Variants in PARPBP observed in about 807,000 individuals in gnomAD.
PARPBP encodes the protein PARP1 binding protein.
PARPBP carries 52 observed loss-of-function variants against 50.0 expected under a neutral mutation model. The ratio of observed to expected loss-of-function variants is 1.04; its 90% CI spans 0.83 to 1.31. The LOEUF (loss-of-function observed/expected upper bound fraction) is 1.31, where lower values mean the gene tolerates loss of function less well. PARPBP is among the 50% of genes most tolerant of loss of function. The probability of loss-of-function intolerance (pLI) is 0.00; values close to 1 mark genes in which losing one functional copy is unlikely to be tolerated. For missense variants in PARPBP, 697 were observed against 672.0 expected, an observed-to-expected ratio of 1.04 and a Z score of -0.41; for synonymous variants, 244 against 232.1, an observed-to-expected ratio of 1.05 and a Z score of -0.47.
intron 3 of PARPBP, among the ~76,000 whole-genome samples, chr12:102,150,957 C>T (rs1326580240): frequency 6.6e-6 from 1 of 152,182 alleles, no homozygotes; most frequent in African/African-American, 2.4e-5. Flanking sequence ...TTGTCCACTG[C>T]TGCTCTGTAA....
chr12:102,196,879 G>T lies in PARPBP; in HGVS notation c.*588G>T. 1.7e-6 allele frequency: 2 copies of T among 1,168,890 alleles called. No individual in the cohort carries two copies. Among genetic ancestry groups the T allele is most frequent in the Non-Finnish European group, 2.5e-6 (2 of 803,718 alleles). The allele number at this position is 1,168,890 out of a possible 1,614,324, so 72.4% of individuals were successfully genotyped here. A position where few individuals can be genotyped will look rare whatever the true frequency, so the allele number is the denominator to read the frequency against. The stretch of plus-strand genomic sequence containing the variant: ...GTGTAATTGAGCCATGGTCTTATTT[G>T]ATTTTGTTATGATTGCATCCAAATT... On this transcript the variant is annotated 3_prime_UTR_variant, in exon 11 of 11. Transcript: ENST00000327680.
At chr12:102,151,583 A>G in intron 3 of PARPBP, 7 of 1,535,518 alleles carry the variant, frequency 4.6e-6, no homozygotes, top group Non-Finnish European at 4.4e-6. Context: ...TCAACTATAC[A>G]GCCACCTTCA....
chr12:102,165,784 C>T lies in PARPBP; in HGVS notation c.722C>T (p.Pro241Leu), dbSNP rs753932798. The change falls in exon 6 of 11, where the codon CCA (proline) becomes CTA (leucine). Residue 241 changes from proline to leucine, a missense_variant. Transcript: ENST00000327680. Reference sequence around the variant, plus strand: ...CTTGGAGGGAAAGGATATGCACCACCACCATCAGATCCTTTAAGGACACAT... The same window carrying T: ...CTTGGAGGGAAAGGATATGCACCACTACCATCAGATCCTTTAAGGACACAT... ...IELGGKGYAPPPSDPLRTHVK... is the reference protein window; with the variant it reads ...IELGGKGYAPLPSDPLRTHVK... The T allele has an allele frequency of 5.6e-6, 9 of 1,603,476 alleles. No individual in the cohort carries two copies. In the African/African-American group the frequency reaches 9.4e-5, roughly 17 times the overall value.
chr12:102,180,302 G>A (rs1509673), intron 8 of PARPBP, among the ~76,000 whole-genome samples: 39,405 of 152,048 alleles, frequency 0.26, 5,259 homozygotes, highest in East Asian at 0.42. Context: ...GGGTAGAAAT[G>A]TAAATAATTT....
At chr12:102,131,016 C>A (rs1015212966) in intron 2 of PARPBP, among the ~76,000 whole-genome samples, 1 of 152,084 alleles carries the variant, frequency 6.6e-6, no homozygotes, top group Admixed American at 6.5e-5. Flanking sequence ...CATCTCACAC[C>A]AGCAGAATGG....
intron 3 of PARPBP, among the ~76,000 whole-genome samples, chr12:102,152,741 A>T (rs1480710546): frequency 6.6e-6 from 1 of 151,968 alleles, no homozygotes. Context: ...GAGTAATTTC[A>T]TCTGATACTT....
chr12:102,160,678 G>T (rs1261717381), intron 4 of PARPBP, among the ~76,000 whole-genome samples: 1 of 152,208 alleles, frequency 6.6e-6, no homozygotes, highest in East Asian at 1.9e-4. Flanking sequence ...GCTGGGCATG[G>T]TGGTTAACGC....
intron 4 of PARPBP, among the ~76,000 whole-genome samples, chr12:102,163,894 G>A (rs889747325): frequency 1.3e-5 from 2 of 151,986 alleles, no homozygotes; most frequent in African/African-American, 4.8e-5. Context: ...TAACTGCCTT[G>A]ATGTTTTTCT....
intron 9 of PARPBP, among the ~76,000 whole-genome samples, chr12:102,195,071 A>C (rs2137575201): frequency 6.6e-6 from 1 of 150,968 alleles, no homozygotes; most frequent in Middle Eastern, 3.4e-3. Flanking sequence ...ACTGTTACCA[A>C]AAAAAAAATC....
intron 2 of PARPBP, among the ~76,000 whole-genome samples, chr12:102,145,579 C>T (rs1402571889): frequency 1.3e-5 from 2 of 152,096 alleles, no homozygotes; most frequent in South Asian, 4.1e-4. Context: ...TTGAAGAAGA[C>T]TTTAAAGAAA....
chr12:102,183,511 G>C (rs1890029943), intron 9 of PARPBP, among the ~76,000 whole-genome samples: 1 of 151,882 alleles, frequency 6.6e-6, no homozygotes, highest in Admixed American at 6.6e-5. Flanking sequence ...ATTAGTAGTT[G>C]TTAGCAATTA....
Position 102,142,376 on chromosome 12 carries a change from AG to A in PARPBP, c.154-5853del, listed in dbSNP as rs373713312. Among the ~76,000 whole-genome samples the A allele has an allele frequency of 7.3e-4, 111 of 152,260 alleles. 2 individuals are homozygous for A. In the East Asian group the frequency reaches 0.016, roughly 22 times the overall value. On this transcript the variant is annotated intron_variant, in intron 2 of 10. Transcript: ENST00000327680. Reference sequence around the variant, plus strand: ...ATTCTCTACCCTGTTTATTCTAGTTAGCTAATCGTCTAATCTTTTTTCAAGT... The same window carrying A: ...ATTCTCTACCCTGTTTATTCTAGTTACTAATCGTCTAATCTTTTTTCAAGT...
intron 9 of PARPBP, among the ~76,000 whole-genome samples, chr12:102,189,570 T>G (rs1890611699): frequency 6.6e-6 from 1 of 152,132 alleles, no homozygotes; most frequent in Non-Finnish European, 1.5e-5. Flanking sequence ...ATGCAATAAC[T>G]AGAGACCCAT....
intron 4 of PARPBP, among the ~76,000 whole-genome samples, 171 bp from the exon 5 acceptor site, chr12:102,164,267 G>A (rs557698799): frequency 2.0e-5 from 3 of 152,228 alleles, no homozygotes; most frequent in African/African-American, 7.2e-5. Flanking sequence ...TTTGGGGAGA[G>A]ATGGAGTTTA....
chr12:102,141,462 A>G (rs1024907766), intron 2 of PARPBP, among the ~76,000 whole-genome samples: 1 of 152,140 alleles, frequency 6.6e-6, no homozygotes, highest in African/African-American at 2.4e-5. Flanking sequence ...GTGTCTTTTA[A>G]TTGGAGCATT....
intron 6 of PARPBP, among the ~76,000 whole-genome samples, chr12:102,174,635 G>A (rs1193561181): frequency 1.3e-5 from 2 of 152,156 alleles, no homozygotes; most frequent in East Asian, 3.8e-4. Context: ...TGCCTTTCCA[G>A]TGATACCTCT....
At chr12:102,128,641 G>C (rs1882386198) in intron 2 of PARPBP, among the ~76,000 whole-genome samples, 1 of 152,218 alleles carries the variant, frequency 6.6e-6, no homozygotes, top group South Asian at 2.1e-4. Context: ...CATCCATGTT[G>C]TTACAAATGA....
At position 102,123,878 on chromosome 12, in the gene PARPBP, A is replaced by G. The variant is rs755392865; in HGVS notation, c.-3-8A>G. 188 of 1,529,168 alleles carry G rather than the reference A, an allele frequency of 1.2e-4. No homozygotes were observed. The highest frequency in any genetic ancestry group is 1.5e-4 in the Non-Finnish European group (175 of 1,140,798). 94.7% of individuals were successfully genotyped at this position (1,529,168 alleles called of 1,614,324 possible). ...ATACTTTAACTTTGTATTCTGTCCT[A>G]CTTTAAGATAATGGCTGTGTTTAAT... is the stretch of plus-strand genomic sequence containing the variant. On this transcript the variant is annotated splice_region_variant and splice_polypyrimidine_tract_variant and intron_variant, in intron 1 of 10. Transcript: ENST00000327680.
At chr12:102,146,786 C>T (rs1211155844) in intron 2 of PARPBP, among the ~76,000 whole-genome samples, 1 of 152,082 alleles carries the variant, frequency 6.6e-6, no homozygotes, top group Non-Finnish European at 1.5e-5. Context: ...AGGCAACCTA[C>T]AAAATGGGAG....
Sources: allele counts gnomAD v4.1 joint callset (sites outside exome capture counted in the v4.1 genomes callset), GRCh38; gene constraint gnomAD v4.1.1; transcripts MANE v1.5; gene names NCBI Gene and HGNC (gene_info 2026-07-23, HGNC 2026-07-21).